The following UNC13C variants were observed in gnomAD, a reference collection of about 807,000 sequenced individuals.
UNC13C encodes the protein unc-13 homolog C.
A neutral mutation model predicts 245.4 loss-of-function variants in UNC13C; 174 were observed. That is an observed-to-expected ratio of 0.71 (90% CI 0.63 to 0.80). The LOEUF (loss-of-function observed/expected upper bound fraction) is 0.80. Among genes scored for constraint, UNC13C ranks in the 30% least tolerant of loss-of-function variants. UNC13C has a pLI of 0.00. For synonymous variants in UNC13C, 992 were observed against 895.1 expected (o/e 1.11, Z -1.93); for missense variants, 2,829 against 2,602.9 (o/e 1.09, Z -1.89).
At position 54,013,029 on chromosome 15, in the gene UNC13C, A is replaced by G. The variant is rs779219256; in HGVS notation, c.126A>G (p.Gln42=). ...AGTATCGTCAGCAGAAAAAGGATCA[A>G]GACTTCCCCACTGCTGGCCAGACCA... ...NKEYRQQKKD[Q]DFPTAGQTKS... Residue 42 remains glutamine, a synonymous_variant, in exon 2 of 33, where the codon CAA becomes CAG. Transcript: ENST00000260323. The G allele has an allele frequency of 3.1e-6, 5 of 1,613,800 alleles. No homozygotes were observed. Among genetic ancestry groups the G allele is most frequent in the Non-Finnish European group, 4.2e-6 (5 of 1,179,858 alleles).
chr15:54,336,162 T>G (rs927113276), intron 16 of UNC13C, among the ~76,000 whole-genome samples: 7 of 152,066 alleles, frequency 4.6e-5, no homozygotes, highest in Non-Finnish European at 1.0e-4. Context: ...TTTAATTATT[T>G]TAAATTGATA....
intron 32 of UNC13C, among the ~76,000 whole-genome samples, chr15:54,624,563 G>C (rs540934664): frequency 6.6e-6 from 1 of 152,036 alleles, no homozygotes; most frequent in African/African-American, 2.4e-5. Context: ...TCCACTGAAG[G>C]GTTTTCAAAT....
At chr15:53,869,957 T>G in the UNC13C span, among the ~76,000 whole-genome samples, 1 of 152,190 alleles carries the variant, frequency 6.6e-6, no homozygotes, top group Non-Finnish European at 1.5e-5. Context: ...TTACACAAGG[T>G]AAGGATTAGA....
At chr15:54,314,593 A>C (rs111723582) in intron 13 of UNC13C, among the ~76,000 whole-genome samples, 9 of 151,848 alleles carry the variant, frequency 5.9e-5, no homozygotes, top group Non-Finnish European at 1.2e-4. Context: ...AGAAAAAAAG[A>C]ATTAGAAAAG....
At chr15:54,617,437 TAGAGATCTGAAGTCA>T (rs1384578160) in intron 30 of UNC13C, among the ~76,000 whole-genome samples, 1 of 152,018 alleles carries the variant, frequency 6.6e-6, no homozygotes, top group African/African-American at 2.4e-5. Context: ...TCTTATAAGT[TAGAGATCTGAAGTCA>T]AATCTCAGCT....
chr15:54,616,066 C>T (rs1900412234), intron 30 of UNC13C, among the ~76,000 whole-genome samples: 1 of 151,984 alleles, frequency 6.6e-6, no homozygotes, highest in Non-Finnish European at 1.5e-5. Context: ...ATTCCCAAGG[C>T]AATTCTAAAA....
chr15:54,216,760 A>AT (rs1424920442), intron 4 of UNC13C, among the ~76,000 whole-genome samples: 1 of 151,926 alleles, frequency 6.6e-6, no homozygotes, highest in Non-Finnish European at 1.5e-5. Context: ...TTTAAGTTTC[A>AT]TTTTTCCCTT....
chr15:53,922,903 A>C, the UNC13C span, among the ~76,000 whole-genome samples: 1 of 152,204 alleles, frequency 6.6e-6, no homozygotes, highest in Non-Finnish European at 1.5e-5. Context: ...TGAGAATATA[A>C]GTATTCATTA....
Position 54,423,195 on chromosome 15 carries a change from T to A in UNC13C, c.4933+8128T>A, listed in dbSNP as rs1028444399. 5.9e-5 allele frequency among the ~76,000 whole-genome samples: 9 copies of A among 151,914 alleles called. 1 individual carries two copies. Among genetic ancestry groups the A allele is most frequent in the Non-Finnish European group, 8.8e-5 (6 of 67,864 alleles). ...TGGTCATAACCCTCTAAATTGATGTTATGACCCACTGATGGGTTGAAGCTA... is the reference window on the plus strand; with the variant it reads ...TGGTCATAACCCTCTAAATTGATGTAATGACCCACTGATGGGTTGAAGCTA... On this transcript the variant is annotated intron_variant, in intron 19 of 32. Transcript: ENST00000260323.
At chr15:54,107,131 A>G (rs1431661890) in intron 2 of UNC13C, among the ~76,000 whole-genome samples, 1 of 152,214 alleles carries the variant, frequency 6.6e-6, no homozygotes, top group Non-Finnish European at 1.5e-5. Flanking sequence ...ACTCCTTAAA[A>G]GAAAATTGCG....
intron 17 of UNC13C, among the ~76,000 whole-genome samples, chr15:54,379,141 C>G (rs1408874832): frequency 6.6e-6 from 1 of 151,902 alleles, no homozygotes; most frequent in Non-Finnish European, 1.5e-5. Flanking sequence ...TTATTAATAG[C>G]AACAGTCTTA....
intron 17 of UNC13C, among the ~76,000 whole-genome samples, chr15:54,373,288 T>C (rs75519710): frequency 0.028 from 4,214 of 152,212 alleles, 183 homozygotes; most frequent in African/African-American, 0.097. Flanking sequence ...CCAGAAAACT[T>C]TGTGGCCAGT....
chr15:54,280,021 G>A (rs1247393019), intron 10 of UNC13C, among the ~76,000 whole-genome samples: 2 of 152,086 alleles, frequency 1.3e-5, no homozygotes, highest in African/African-American at 4.8e-5. Flanking sequence ...CGTGTTTCTG[G>A]ATAACATTTT....
At chr15:54,111,152 T>C (rs1434196729) in intron 2 of UNC13C, among the ~76,000 whole-genome samples, 1 of 152,220 alleles carries the variant, frequency 6.6e-6, no homozygotes, top group Non-Finnish European at 1.5e-5. Flanking sequence ...GACTTTACTC[T>C]TGGAGAAACA....
rs771000338 is a variant in UNC13C, at chr15:54,014,053, C to A, written c.1150C>A (p.Pro384Thr). ...PRPILVYFET[P>T]QQRDSVLKKS... ...ACCCATACTTGTGTACTTTGAAACC[C>A]CTCAACAAAGGGATTCTGTCTTAAA... Residue 384 changes from proline (P) to threonine (T), a missense_variant, in exon 2 of 33, where the codon CCT becomes ACT. Pro to Thr is a conservative substitution (Grantham distance 38). Transcript: ENST00000260323. 4 of 1,613,716 alleles carry A rather than the reference C, an allele frequency of 2.5e-6. No homozygotes were observed. Among genetic ancestry groups the A allele is most frequent in the Non-Finnish European group, 2.5e-6 (3 of 1,179,812 alleles).
intron 10 of UNC13C, among the ~76,000 whole-genome samples, chr15:54,269,227 A>G (rs952355651): frequency 4.6e-5 from 7 of 151,942 alleles, no homozygotes; most frequent in African/African-American, 7.2e-5. Context: ...TCTCTCTCTC[A>G]GGGATCACTG....
At chr15:54,538,133 C>CAAAAAAAAAAAAAAAAAAAAA (rs56041311) in intron 26 of UNC13C, among the ~76,000 whole-genome samples, 5 of 10,252 alleles carry the variant, frequency 4.9e-4, no homozygotes, top group Non-Finnish European at 7.3e-4. Flanking sequence ...CATTAACAAG[C>CAAAAAAAAAAAAAAAAAAAAA]AAAAAAAAAA....
At chr15:53,875,075 G>A in the UNC13C span, among the ~76,000 whole-genome samples, 11 of 151,516 alleles carry the variant, frequency 7.3e-5, no homozygotes, top group Non-Finnish European at 1.2e-4. Context: ...CCTGGTGACA[G>A]AGTGAGACTC....
At chr15:54,095,969 T>A (rs1899840444) in intron 2 of UNC13C, among the ~76,000 whole-genome samples, 1 of 152,184 alleles carries the variant, frequency 6.6e-6, no homozygotes, top group African/African-American at 2.4e-5. Context: ...AGGAAACTGG[T>A]CATTTTATGT....
Sources: gnomAD v4.1 joint callset for allele counts (sites outside exome capture counted in the v4.1 genomes callset) on GRCh38, gnomAD v4.1.1 for gene constraint, MANE v1.5 for transcripts, NCBI Gene and HGNC (gene_info 2026-07-23, HGNC 2026-07-21) for gene names.